The following OR1L8 variants were observed in gnomAD, a reference collection of about 807,000 sequenced individuals.
OR1L8 encodes olfactory receptor family 1 subfamily L member 8.
For missense variants in OR1L8, 330 were observed against 377.4 expected (o/e 0.87, Z 1.04); for synonymous variants, 148 against 147.0 (o/e 1.01, Z -0.05).
the OR1L8 span, chr9:122,553,565 G>A: frequency 6.2e-7 from 1 of 1,614,094 alleles, no homozygotes; most frequent in Non-Finnish European, 8.5e-7. Context: ...ACTGCCTGCT[G>A]GCTGTGATGG....
chr9:122,582,571 T>A (rs1395874873), intron 1 of OR1L8, among the ~76,000 whole-genome samples: 1 of 146,092 alleles, frequency 6.8e-6, no homozygotes, highest in Non-Finnish European at 1.5e-5. Flanking sequence ...AAAAAAAAAA[T>A]TAGCTGGGCA....
chr9:122,578,823 A>T (rs1364121527), intron 1 of OR1L8, among the ~76,000 whole-genome samples: 1 of 152,130 alleles, frequency 6.6e-6, no homozygotes, highest in African/African-American at 2.4e-5. Flanking sequence ...GGAGAAGGTG[A>T]GAAATAAAAG....
At chr9:122,557,451 C>T in the OR1L8 span, among the ~76,000 whole-genome samples, 1 of 151,890 alleles carries the variant, frequency 6.6e-6, no homozygotes, top group Non-Finnish European at 1.5e-5. Context: ...GCTTTTTCTG[C>T]ATCTATTTAT....
chr9:122,548,063 TA>T, the OR1L8 span, among the ~76,000 whole-genome samples: 1 of 152,212 alleles, frequency 6.6e-6, no homozygotes. Context: ...ATTTTCCTCA[TA>T]TGCTTATTAA....
downstream of OR1L8, among the ~76,000 whole-genome samples, chr9:122,563,966 A>G (rs77039735): frequency 1.1e-3 from 162 of 152,194 alleles, 2 homozygotes; most frequent in East Asian, 0.03. Context: ...TTCATTATCC[A>G]TATGTCTGTA....
chr9:122,553,466 G>A, the OR1L8 span: 10 of 1,613,980 alleles, frequency 6.2e-6, no homozygotes, highest in Non-Finnish European at 8.5e-6. Flanking sequence ...CCAAAATGCT[G>A]GCCAACATTC....
At chr9:122,553,470 A>G in the OR1L8 span, 1 of 1,614,118 alleles carries the variant, frequency 6.2e-7, no homozygotes, top group Non-Finnish European at 8.5e-7. Context: ...AATGCTGGCC[A>G]ACATTCATAC....
chr9:122,583,067 G>C (rs1419635048), intron 1 of OR1L8, among the ~76,000 whole-genome samples: 1 of 151,822 alleles, frequency 6.6e-6, no homozygotes, highest in Admixed American at 6.6e-5. Flanking sequence ...AACAGGAATA[G>C]CAATACGTTT....
chr9:122,553,653 C>G, the OR1L8 span: 5 of 1,614,132 alleles, frequency 3.1e-6, no homozygotes, highest in Non-Finnish European at 4.2e-6. Context: ...TGCACTAATG[C>G]TGGGTGTGTG....
intron 4 of OR1L8, 89 bp downstream of exon 4, chr9:122,572,691 A>C (rs1479628874): frequency 6.6e-6 from 1 of 152,092 alleles, no homozygotes; most frequent in Non-Finnish European, 1.5e-5. Flanking sequence ...ATGACTTCTT[A>C]ATTCATGAAA....
chr9:122,551,180 T>C, the OR1L8 span, among the ~76,000 whole-genome samples: 1 of 152,176 alleles, frequency 6.6e-6, no homozygotes, highest in Non-Finnish European at 1.5e-5. Flanking sequence ...AGTTGGATTA[T>C]TTTAGACCTA....
chr9:122,553,622 A>G, the OR1L8 span: 6 of 1,614,110 alleles, frequency 3.7e-6, no homozygotes, highest in Non-Finnish European at 5.1e-6. Flanking sequence ...ATTACAGCAC[A>G]TCTATGAGTC....
downstream of OR1L8, among the ~76,000 whole-genome samples, chr9:122,562,181 T>C (rs976433802): frequency 9.2e-5 from 14 of 152,222 alleles, no homozygotes; most frequent in Non-Finnish European, 5.9e-5. Flanking sequence ...TCTCCCTGGC[T>C]CGGCAGGGGA....
At chr9:122,553,798 A>G in the OR1L8 span, 4 of 1,613,954 alleles carry the variant, frequency 2.5e-6, no homozygotes, top group South Asian at 1.1e-5. Context: ...TCAGATACCC[A>G]TGTAAACGAG....
Position 122,572,918 on chromosome 9 carries a change from A to G in OR1L8, c.-341-10T>C, listed in dbSNP as rs1056448789. On this transcript the variant is annotated splice_polypyrimidine_tract_variant and intron_variant, in intron 3 of 4. Transcript: ENST00000641027. ...CCTCTGAACTTCTGGACTAATTAGCAAGGAGGGAAGAACTGAAACACTACT... is the reference window on the plus strand; with the variant it reads ...CCTCTGAACTTCTGGACTAATTAGCGAGGAGGGAAGAACTGAAACACTACT... The G allele has an allele frequency of 1.3e-5, 2 of 152,228 alleles. No homozygotes were observed. The highest frequency in any genetic ancestry group is 2.9e-5 in the Non-Finnish European group (2 of 68,038). The allele number at this position is 152,228 out of a possible 1,614,324, so 9.4% of individuals were successfully genotyped here.
At chr9:122,582,179 A>G (rs1829746638) in intron 1 of OR1L8, among the ~76,000 whole-genome samples, 1 of 152,162 alleles carries the variant, frequency 6.6e-6, no homozygotes, top group Non-Finnish European at 1.5e-5. Flanking sequence ...ATTTTTTAAA[A>G]CTTCTGAGAA....
chr9:122,548,344 G>A, the OR1L8 span, among the ~76,000 whole-genome samples: 1 of 152,124 alleles, frequency 6.6e-6, no homozygotes, highest in Non-Finnish European at 1.5e-5. Context: ...TTAATCTCAA[G>A]TTCTGTCCTT....
intron 1 of OR1L8, among the ~76,000 whole-genome samples, chr9:122,582,963 CAT>C (rs1206352777): frequency 6.6e-6 from 1 of 151,786 alleles, no homozygotes; most frequent in African/African-American, 2.4e-5. Flanking sequence ...AGAGCTAAAT[CAT>C]ATAGATTATA....
At chr9:122,566,362 G>A (rs34302833), downstream of OR1L8, among the ~76,000 whole-genome samples, 9,566 of 152,202 alleles carry the variant, frequency 0.063, 422 homozygotes, top group Non-Finnish European at 0.097. Context: ...ATAAAGATGA[G>A]GAAATATTCT....
Sources: gnomAD v4.1 joint callset for allele counts (sites outside exome capture counted in the v4.1 genomes callset) on GRCh38, gnomAD v4.1.1 for gene constraint, MANE v1.5 for transcripts, NCBI Gene and HGNC (gene_info 2026-07-23, HGNC 2026-07-21) for gene names.